GPR158: variants seen among roughly 807,000 people sequenced by gnomAD.
The protein encoded by GPR158 is metabotropic glycine receptor.
GPR158 carries 30 observed loss-of-function variants against 78.2 expected under a neutral mutation model. The ratio of observed to expected loss-of-function variants is 0.38; its 90% CI spans 0.29 to 0.52. GPR158 has a LOEUF of 0.52. GPR158 is among the 20% of genes least tolerant of loss of function. The probability of loss-of-function intolerance (pLI) is 0.83; values close to 1 mark genes in which losing one functional copy is unlikely to be tolerated. For synonymous variants in GPR158, 581 were observed against 591.1 expected (o/e 0.98, Z 0.25); for missense variants, 1,463 against 1,523.5 (o/e 0.96, Z 0.66).
At chr10:25,559,244 T>G (rs974929134) in intron 6 of GPR158, among the ~76,000 whole-genome samples, 9 of 152,344 alleles carry the variant, frequency 5.9e-5, no homozygotes, top group African/African-American at 2.2e-4. Flanking sequence ...ATCTATTTTG[T>G]CTGGTGCTAA....
At chr10:25,402,917 T>C (rs1213796202) in intron 3 of GPR158, among the ~76,000 whole-genome samples, 1 of 151,746 alleles carries the variant, frequency 6.6e-6, no homozygotes, top group African/African-American at 2.4e-5. Context: ...CTTTAAATTA[T>C]TTTAATATAA....
At chr10:25,310,264 G>T (rs1380957218) in intron 2 of GPR158, among the ~76,000 whole-genome samples, 1 of 152,128 alleles carries the variant, frequency 6.6e-6, no homozygotes, top group Non-Finnish European at 1.5e-5. Context: ...CTATATGTTT[G>T]TCTTTGTGCC....
intron 5 of GPR158, among the ~76,000 whole-genome samples, chr10:25,538,885 C>T (rs1836537181): frequency 1.3e-5 from 2 of 152,144 alleles, no homozygotes; most frequent in Admixed American, 6.5e-5. Context: ...TGAACACATA[C>T]ACGGAGAAGT....
intron 5 of GPR158, among the ~76,000 whole-genome samples, chr10:25,525,059 C>G (rs1836329494): frequency 6.6e-6 from 1 of 151,972 alleles, no homozygotes; most frequent in Non-Finnish European, 1.5e-5. Context: ...AAATCAAAAC[C>G]ACAATGTGAT....
intron 2 of GPR158, among the ~76,000 whole-genome samples, chr10:25,253,238 G>C (rs549031184): frequency 6.6e-6 from 1 of 152,176 alleles, no homozygotes; most frequent in African/African-American, 2.4e-5. Context: ...AGATGAACCC[G>C]GTACCTCAGA....
chr10:25,501,902 C>T (rs1835949324), intron 5 of GPR158, among the ~76,000 whole-genome samples: 1 of 152,166 alleles, frequency 6.6e-6, no homozygotes, highest in Non-Finnish European at 1.5e-5. Context: ...GTCTCCCTTT[C>T]TCATCTCCTC....
intron 5 of GPR158, among the ~76,000 whole-genome samples, chr10:25,491,456 G>T (rs1392927889): frequency 6.6e-6 from 1 of 152,152 alleles, no homozygotes; most frequent in African/African-American, 2.4e-5. Flanking sequence ...TGAAGTATAA[G>T]CCTTTGTTTA....
chr10:25,252,966 A>G (rs1345853627), intron 2 of GPR158, among the ~76,000 whole-genome samples: 1 of 152,156 alleles, frequency 6.6e-6, no homozygotes, highest in Non-Finnish European at 1.5e-5. Context: ...AATCAGCGAG[A>G]TTCCGTGGGC....
intron 2 of GPR158, among the ~76,000 whole-genome samples, chr10:25,297,959 G>A (rs941679743): frequency 2.0e-5 from 3 of 152,188 alleles, no homozygotes; most frequent in Non-Finnish European, 4.4e-5. Context: ...CCCCTTAATA[G>A]CTGAGTGCTT....
chr10:25,230,442 A>G (rs1564396743), intron 2 of GPR158, among the ~76,000 whole-genome samples: 1 of 152,202 alleles, frequency 6.6e-6, no homozygotes, highest in Admixed American at 6.5e-5. Flanking sequence ...GACAGTTTTC[A>G]GTTCTCATAC....
At chr10:25,433,570 TGCGCGCGCGC>T (rs71472803) in intron 4 of GPR158, among the ~76,000 whole-genome samples, 5 of 128,750 alleles carry the variant, frequency 3.9e-5, no homozygotes, top group African/African-American at 8.5e-5. Context: ...TGTGTGTGTG[TGCGCGCGCGC>T]GTGCGCGTGC....
At chr10:25,316,825 G>A (rs972802817) in intron 2 of GPR158, among the ~76,000 whole-genome samples, 1 of 151,428 alleles carries the variant, frequency 6.6e-6, no homozygotes, top group African/African-American at 2.4e-5. Context: ...GGAATCATTG[G>A]ATTAAGGTCA....
intron 2 of GPR158, among the ~76,000 whole-genome samples, chr10:25,305,679 G>A (rs531223245): frequency 2.0e-5 from 3 of 152,192 alleles, no homozygotes; most frequent in Admixed American, 6.5e-5. Context: ...CTTAACCATG[G>A]TTTTTAACTT....
intron 2 of GPR158, among the ~76,000 whole-genome samples, chr10:25,309,555 A>C (rs56400548): frequency 0.2 from 30,704 of 151,942 alleles, 5,236 homozygotes; most frequent in African/African-American, 0.47. Context: ...TATAAAGTTC[A>C]GTTTTTCTAT....
chr10:25,374,569 C>G (rs1443661641), intron 2 of GPR158, among the ~76,000 whole-genome samples: 3 of 151,716 alleles, frequency 2.0e-5, no homozygotes, highest in Admixed American at 6.6e-5. Context: ...CTCCTTTCCT[C>G]CATTATGAAT....
intron 2 of GPR158, among the ~76,000 whole-genome samples, chr10:25,317,789 C>G (rs1042061869): frequency 6.8e-6 from 1 of 147,728 alleles, no homozygotes. Context: ...AGTGCAATGG[C>G]GCAATCTCAG....
intron 5 of GPR158, among the ~76,000 whole-genome samples, chr10:25,487,674 T>A (rs1835752800): frequency 6.6e-6 from 1 of 152,256 alleles, no homozygotes; most frequent in African/African-American, 2.4e-5. Context: ...GGAGAGTAAA[T>A]GACTTTATGC....
intron 5 of GPR158, among the ~76,000 whole-genome samples, chr10:25,489,515 G>A (rs1042661402): frequency 6.6e-6 from 1 of 152,036 alleles, no homozygotes; most frequent in Non-Finnish European, 1.5e-5. Context: ...AGTGAATGAG[G>A]CACTAAGTTT....
chr10:25,378,258 T>C (rs1048222186), intron 2 of GPR158, among the ~76,000 whole-genome samples: 1 of 152,184 alleles, frequency 6.6e-6, no homozygotes, highest in African/African-American at 2.4e-5. Context: ...GTAACAACTA[T>C]TCTGATTTCT....
Sources: gnomAD v4.1 joint callset for allele counts (sites outside exome capture counted in the v4.1 genomes callset) on GRCh38, gnomAD v4.1.1 for gene constraint, MANE v1.5 for transcripts, NCBI Gene and HGNC (gene_info 2026-07-23, HGNC 2026-07-21) for gene names.